Variants in MYO1B observed in about 807,000 individuals in gnomAD.
MYO1B encodes myosin IB.
A neutral mutation model predicts 159.7 loss-of-function variants in MYO1B; 72 were observed. The ratio of observed to expected loss-of-function variants is 0.45; its 90% CI spans 0.37 to 0.55. MYO1B has a LOEUF of 0.55. MYO1B is among the 20% of genes least tolerant of loss of function. The pLI, the probability that MYO1B is intolerant of heterozygous loss-of-function variation, is 0.00. For missense variants in MYO1B, 1,062 were observed against 1,364.8 expected, an observed-to-expected ratio of 0.78 and a Z score of 3.50; for synonymous variants, 468 against 473.8, an observed-to-expected ratio of 0.99 and a Z score of 0.16.
At chr2:191,407,478 A>G (rs936485089) in intron 24 of MYO1B, among the ~76,000 whole-genome samples, 4 of 152,240 alleles carry the variant, frequency 2.6e-5, no homozygotes, top group African/African-American at 9.6e-5. Flanking sequence ...TTTGTTAGAC[A>G]TTAGTATATG....
At position 191,260,253 on chromosome 2, in the gene MYO1B, G is replaced by GTTTTTTTTTTTTTTTTTT. The variant is rs1256549425; in HGVS notation, c.-10+14627_-10+14628insTTTTTTTTTTTTTTTTTT. On this transcript the variant is annotated intron_variant, in intron 1 of 30. Coordinates refer to ENST00000392318, the MANE Select transcript of MYO1B (RefSeq NM_001130158.3). Reference sequence around the variant, plus strand: ...ATAATATTACTTTTTTCCCAGATAGGCTTTTTTTTTTTTTGAATTAAAGCT... The same window carrying GTTTTTTTTTTTTTTTTTT: ...ATAATATTACTTTTTTCCCAGATAGGTTTTTTTTTTTTTTTTTTCTTTTTTTTTTTTTGAATTAAAGCT... Among the ~76,000 whole-genome samples, 10 of 22,668 alleles carry GTTTTTTTTTTTTTTTTTT rather than the reference G, an allele frequency of 4.4e-4. No individual in the cohort carries two copies. In the Non-Finnish European group the frequency reaches 6.2e-3, roughly 14 times the overall value. The allele number at this position is 22,668 out of a possible 152,430, so 14.9% of individuals were successfully genotyped here. A position where few individuals can be genotyped will look rare whatever the true frequency, so the allele number is the denominator to read the frequency against.
chr2:191,250,590 A>T (rs1478692521), intron 1 of MYO1B, among the ~76,000 whole-genome samples: 1 of 152,234 alleles, frequency 6.6e-6, no homozygotes, highest in Non-Finnish European at 1.5e-5. Context: ...CCAAAGAATG[A>T]GTCATTCACA....
intron 3 of MYO1B, among the ~76,000 whole-genome samples, chr2:191,324,237 A>G (rs993699484): frequency 2.0e-5 from 3 of 152,128 alleles, no homozygotes; most frequent in African/African-American, 7.2e-5. Flanking sequence ...GTCCACTGAC[A>G]TTTAATGTAA....
At chr2:191,287,562 G>A (rs1688452346) in intron 2 of MYO1B, among the ~76,000 whole-genome samples, 1 of 151,828 alleles carries the variant, frequency 6.6e-6, no homozygotes, top group South Asian at 2.1e-4. Context: ...ACTGGGATGT[G>A]GAAAAGTTAA....
chr2:191,272,898 T>C (rs989301033), intron 1 of MYO1B, among the ~76,000 whole-genome samples: 1 of 152,190 alleles, frequency 6.6e-6, no homozygotes, highest in African/African-American at 2.4e-5. Context: ...TGGTGTATTA[T>C]TTAGAACACT....
rs62181229 is a variant in MYO1B, at chr2:191,390,187, A to G, written c.1782-105A>G. 7,800 of 1,060,392 alleles carry G rather than the reference A, an allele frequency of 7.4e-3. 53 individuals are homozygous for G. Among genetic ancestry groups the G allele is most frequent in the Middle Eastern group, 0.024 (108 of 4,514 alleles). 65.7% of individuals were successfully genotyped at this position (1,060,392 alleles called of 1,614,324 possible). On this transcript the variant is annotated intron_variant, in intron 17 of 30. Transcript: ENST00000392318. Reference sequence around the variant, plus strand: ...AATGACTAGGTTTCTTAAGAATAACATAATTGTTTTGCTATGAAACAGTTA... The same window carrying G: ...AATGACTAGGTTTCTTAAGAATAACGTAATTGTTTTGCTATGAAACAGTTA...
At position 191,349,709 on chromosome 2, in the gene MYO1B, A is replaced by G. The variant is rs909682353; in HGVS notation, c.499-453A>G. Among the ~76,000 whole-genome samples the G allele has an allele frequency of 7.2e-5, 11 of 152,346 alleles. No homozygotes were observed. The Middle Eastern group carries it at 0.014, about 188-fold the overall frequency. On this transcript the variant is annotated intron_variant, in intron 6 of 30. Coordinates refer to ENST00000392318, the MANE Select transcript of MYO1B (RefSeq NM_001130158.3). ...TCTTGTATTTGATTTGAGTAGATATAAAAACAGATCTCTGAACGTTTCAAT... is the reference window on the plus strand; with the variant it reads ...TCTTGTATTTGATTTGAGTAGATATGAAAACAGATCTCTGAACGTTTCAAT...
rs558259084 is a variant in MYO1B at position 191,277,342 on chromosome 2, G to A, written c.135+312G>A. ...TTTTGAAATCCATAGGCATCTTCTT[G>A]GATACCTTCATAAGATTAACAAAGT... On this transcript the variant is annotated intron_variant, in intron 2 of 30. Transcript: ENST00000392318. 1.7e-3 allele frequency among the ~76,000 whole-genome samples: 262 copies of A among 152,242 alleles called. 1 individual carries two copies. Among genetic ancestry groups the A allele is most frequent in the African/African-American group, 5.6e-3 (231 of 41,544 alleles).
At chr2:191,330,450 C>T (rs569942448) in intron 4 of MYO1B, among the ~76,000 whole-genome samples, 2 of 152,308 alleles carry the variant, frequency 1.3e-5, no homozygotes, top group Non-Finnish European at 2.9e-5. Flanking sequence ...TAACATTTTA[C>T]TCAAGAGTTT....
chr2:191,339,755 A>G (rs1326887157), intron 4 of MYO1B, among the ~76,000 whole-genome samples: 1 of 152,212 alleles, frequency 6.6e-6, no homozygotes, highest in Admixed American at 6.5e-5. Flanking sequence ...AGAAACAGAC[A>G]TCTTAGGACT....
At chr2:191,423,794 C>T in intron 30 of MYO1B, 43 bp from the exon 31 acceptor site, 1 of 1,576,294 alleles carries the variant, frequency 6.3e-7, no homozygotes, top group South Asian at 1.2e-5. Context: ...TAATCATGAG[C>T]TGTTTTGTGT....
intron 3 of MYO1B, among the ~76,000 whole-genome samples, chr2:191,325,379 G>T (rs1173243969): frequency 6.6e-6 from 1 of 152,106 alleles, no homozygotes; most frequent in African/African-American, 2.4e-5. Flanking sequence ...AGCTTTTGAA[G>T]AAAATGACTT....
intron 2 of MYO1B, among the ~76,000 whole-genome samples, chr2:191,291,887 A>C (rs1303509683): frequency 6.6e-6 from 1 of 152,202 alleles, no homozygotes; most frequent in Non-Finnish European, 1.5e-5. Context: ...ACCTAAAACT[A>C]GAGTAGAAAT....
chr2:191,383,196 TA>T, intron 14 of MYO1B, 83 bp from the exon 15 acceptor site: 1 of 770,946 alleles, frequency 1.3e-6, no homozygotes. Context: ...GGAAATATGA[TA>T]AGATGGTCAA....
At chr2:191,267,886 T>A (rs1440242099) in intron 1 of MYO1B, among the ~76,000 whole-genome samples, 1 of 152,202 alleles carries the variant, frequency 6.6e-6, no homozygotes, top group Non-Finnish European at 1.5e-5. Flanking sequence ...CTTTGCCAGT[T>A]ATGACCTGGA....
At chr2:191,250,911 G>A (rs1471670409) in intron 1 of MYO1B, among the ~76,000 whole-genome samples, 1 of 152,132 alleles carries the variant, frequency 6.6e-6, no homozygotes, top group Non-Finnish European at 1.5e-5. Context: ...CACTTTTAAG[G>A]AGTTCTTTTT....
intron 2 of MYO1B, among the ~76,000 whole-genome samples, chr2:191,292,410 G>T (rs1339298528): frequency 6.6e-6 from 1 of 152,188 alleles, no homozygotes; most frequent in Non-Finnish European, 1.5e-5. Context: ...AGGTAGAACA[G>T]CTCGAAGCAG....
chr2:191,311,270 A>G (rs1559159407), intron 3 of MYO1B, among the ~76,000 whole-genome samples: 1 of 152,204 alleles, frequency 6.6e-6, no homozygotes, highest in South Asian at 2.1e-4. Flanking sequence ...ATCAACAGCC[A>G]AAACTTAGGC....
At chr2:191,411,025 A>G (rs991265033) in intron 26 of MYO1B, 41 bp from the exon 27 acceptor site, 36 of 1,135,006 alleles carry the variant, frequency 3.2e-5, no homozygotes, top group Non-Finnish European at 4.5e-5. Context: ...TAATTTATTT[A>G]TATAAATGAT....
Sources: gnomAD v4.1 joint callset for allele counts (sites outside exome capture counted in the v4.1 genomes callset) on GRCh38, gnomAD v4.1.1 for gene constraint, MANE v1.5 for transcripts, NCBI Gene and HGNC (gene_info 2026-07-23, HGNC 2026-07-21) for gene names.